The following CTNND2 variants were observed in gnomAD, a reference collection of about 807,000 sequenced individuals.
CTNND2 encodes the protein catenin delta-2.
CTNND2 carries 22 observed loss-of-function variants against 144.4 expected under a neutral mutation model. The observed-to-expected ratio is 0.15, with a 90% confidence interval of 0.11 to 0.22. The LOEUF (loss-of-function observed/expected upper bound fraction) is 0.22. CTNND2 is among the 10% of genes least tolerant of loss of function. CTNND2 has a pLI of 1.00. For missense variants in CTNND2, 1,353 were observed against 1,618.8 expected (o/e 0.84, Z 2.82); for synonymous variants, 751 against 695.6 (o/e 1.08, Z -1.25).
At chr5:11,518,139 A>G (rs250795) in intron 3 of CTNND2, among the ~76,000 whole-genome samples, 94,645 of 152,060 alleles carry the variant, frequency 0.62, 30,287 homozygotes, top group African/African-American at 0.76. Flanking sequence ...GGTCCCATAG[A>G]ATTGTAATGA....
intron 2 of CTNND2, among the ~76,000 whole-genome samples, chr5:11,704,114 G>C (rs1447720520): frequency 6.6e-6 from 1 of 152,130 alleles, no homozygotes; most frequent in Admixed American, 6.5e-5. Context: ...TAACATCAAT[G>C]ACTAGAAGAC....
chr5:10,976,600 C>T (rs566355561), intron 21 of CTNND2, among the ~76,000 whole-genome samples: 26 of 152,322 alleles, frequency 1.7e-4, no homozygotes, highest in African/African-American at 5.3e-4. Flanking sequence ...ACGCTCTCTG[C>T]GCTCTGTTCC....
intron 7 of CTNND2, among the ~76,000 whole-genome samples, chr5:11,368,034 A>G (rs1757139606): frequency 1.3e-5 from 2 of 152,218 alleles, no homozygotes; most frequent in South Asian, 4.1e-4. Flanking sequence ...GAGCTCAGGC[A>G]CTGGCAATTT....
chr5:11,282,555 C>T (rs1340306374), intron 9 of CTNND2, among the ~76,000 whole-genome samples: 1 of 152,172 alleles, frequency 6.6e-6, no homozygotes, highest in African/African-American at 2.4e-5. Context: ...GCTAGAAATC[C>T]AGGAGATCCT....
intron 2 of CTNND2, among the ~76,000 whole-genome samples, chr5:11,730,828 G>T (rs1787348814): frequency 6.6e-6 from 1 of 152,096 alleles, no homozygotes; most frequent in African/African-American, 2.4e-5. Context: ...TGTTACATTT[G>T]TTCTTTCTGC....
chr5:11,295,047 T>C (rs982865179), intron 9 of CTNND2, among the ~76,000 whole-genome samples: 2 of 152,226 alleles, frequency 1.3e-5, no homozygotes, highest in Non-Finnish European at 2.9e-5. Context: ...AAATTGTCCC[T>C]GTTTGCAGAT....
rs1160575105 is a variant in CTNND2 at position 11,518,603 on chromosome 5, A to G, written c.287+46341T>C. 2.6e-5 allele frequency among the ~76,000 whole-genome samples: 4 copies of G among 152,220 alleles called. No individual in the cohort carries two copies. In the East Asian group the frequency reaches 7.7e-4, roughly 29 times the overall value. On this transcript the variant is annotated intron_variant, in intron 3 of 21. Transcript: ENST00000304623. ...CAGTCCTGCAAGCCCTGCATGGTTT[A>G]AGTGTCTTATACAGGTGTATCTTTT...
intron 3 of CTNND2, among the ~76,000 whole-genome samples, chr5:11,561,466 T>C (rs1188449370): frequency 6.6e-6 from 1 of 152,172 alleles, no homozygotes; most frequent in Non-Finnish European, 1.5e-5. Context: ...AGACAATCAC[T>C]AAACAGTCTG....
rs566967954 is a variant in CTNND2 at position 11,294,697 on chromosome 5, T to C, written c.1628+51675A>G. 5.4e-4 allele frequency among the ~76,000 whole-genome samples: 82 copies of C among 152,318 alleles called. 1 individual carries two copies. The highest frequency in any genetic ancestry group is 1.9e-3 in the African/African-American group (81 of 41,580). On this transcript the variant is annotated intron_variant, in intron 9 of 21. Coordinates refer to ENST00000304623, the MANE Select transcript of CTNND2 (RefSeq NM_001332.4). ...TTCAACATACGCAAATCAATAAACG[T>C]AATCCAGCATATAAACAGAACCAGT...
chr5:11,477,983 G>A (rs901853441), intron 3 of CTNND2, among the ~76,000 whole-genome samples: 1 of 152,198 alleles, frequency 6.6e-6, no homozygotes, highest in Non-Finnish European at 1.5e-5. Context: ...AAGTCATCCA[G>A]CTTTGGGTGG....
In CTNND2 at chr5:11,903,999, G is replaced by T. The variant is rs534075206; in HGVS notation, c.-146C>A. On this transcript the variant is annotated 5_prime_UTR_variant, in exon 1 of 22. Coordinates refer to ENST00000304623, the MANE Select transcript of CTNND2 (RefSeq NM_001332.4). This position sits in a 1 kb window ranked among gnomAD's most constrained non-coding sequence, Gnocchi z 5.4. ...CGGCCGCGGGACAAGGGATGCTGGC[G>T]GGCGGCAGGGGCGAGCGCCGCGGGC... The T allele has an allele frequency of 1.1e-6, 1 of 918,058 alleles. No homozygotes were observed. The highest frequency in any genetic ancestry group is 3.6e-5 in the East Asian group (1 of 27,452). 56.9% of individuals were successfully genotyped at this position (918,058 alleles called of 1,614,324 possible).
chr5:11,281,774 T>A, intron 9 of CTNND2, among the ~76,000 whole-genome samples: 1 of 152,164 alleles, frequency 6.6e-6, no homozygotes, highest in East Asian at 1.9e-4. Context: ...CCTCTTCTTA[T>A]AAGGACACCA....
chr5:11,713,937 G>C (rs541787233), intron 2 of CTNND2, among the ~76,000 whole-genome samples: 20 of 152,196 alleles, frequency 1.3e-4, no homozygotes, highest in Admixed American at 1.0e-3. Flanking sequence ...GGGACAGCAG[G>C]GGGGCGGGAC....
intron 16 of CTNND2, among the ~76,000 whole-genome samples, chr5:11,046,339 C>CATG (rs1237069877): frequency 6.6e-6 from 1 of 152,188 alleles, no homozygotes; most frequent in Non-Finnish European, 1.5e-5. Flanking sequence ...AGCCAAGGAA[C>CATG]GCCATCTATT....
Position 11,082,717 on chromosome 5 carries a change from C to G in CTNND2, c.2767G>C (p.Val923Leu). The G allele has an allele frequency of 6.2e-7, 1 of 1,614,098 alleles. No individual in the cohort carries two copies. The highest frequency in any genetic ancestry group is 8.5e-7 in the Non-Finnish European group (1 of 1,179,986). The change falls in exon 16 of 22, where the codon GTC becomes CTC. Residue 923 changes from valine (V) to leucine (L), a missense_variant. By Grantham distance (32) the Val-to-Leu change is conservative. Coordinates refer to ENST00000304623, the MANE Select transcript of CTNND2 (RefSeq NM_001332.4). ...ATACCGATGAGCTCCTTATTTCTGA[C>G]GTCCAAGGCCATGTTCCGCAGCGCA... ...ATALRNMALD[V>L]RNKELIGKYA...
At chr5:11,657,587 T>C (rs979683791) in intron 2 of CTNND2, among the ~76,000 whole-genome samples, 1 of 152,158 alleles carries the variant, frequency 6.6e-6, no homozygotes, top group African/African-American at 2.4e-5. Context: ...ATTTAAATAG[T>C]GCTAGTTAAT....
chr5:11,283,956 G>A (rs1378502971), intron 9 of CTNND2, among the ~76,000 whole-genome samples: 2 of 152,168 alleles, frequency 1.3e-5, no homozygotes, highest in African/African-American at 4.8e-5. Context: ...CTTGTCCAGT[G>A]TGTCTCTAAT....
At chr5:11,279,183 C>T (rs572107555) in intron 9 of CTNND2, among the ~76,000 whole-genome samples, 8 of 152,050 alleles carry the variant, frequency 5.3e-5, no homozygotes, top group Non-Finnish European at 1.2e-4. Context: ...TTTTATAACA[C>T]CAATCCAGAA....
chr5:11,268,914 T>C (rs1327048291), intron 9 of CTNND2, among the ~76,000 whole-genome samples: 2 of 152,218 alleles, frequency 1.3e-5, no homozygotes, highest in African/African-American at 4.8e-5. Context: ...TTCAGTAGGA[T>C]TCTCATAGCG....
Sources: gnomAD v4.1 joint callset for allele counts (sites outside exome capture counted in the v4.1 genomes callset) on GRCh38, gnomAD v4.1.1 for gene constraint, Gnocchi (gnomAD v3.1) non-coding constraint, MANE v1.5 for transcripts, NCBI Gene and HGNC (gene_info 2026-07-23, HGNC 2026-07-21) for gene names.